The following CTNNA2 variants were observed in gnomAD, a reference collection of about 807,000 sequenced individuals.
CTNNA2 encodes catenin alpha-2.
CTNNA2 carries 42 observed loss-of-function variants against 101.0 expected under a neutral mutation model. The observed-to-expected ratio is 0.42, with a 90% CI of 0.32 to 0.54. The LOEUF (loss-of-function observed/expected upper bound fraction) is 0.54, where lower values mean the gene tolerates loss of function less well. Among genes scored for constraint, CTNNA2 ranks in the 20% least tolerant of loss-of-function variants. The pLI, the probability that CTNNA2 is intolerant of heterozygous loss-of-function variation, is 0.14. For missense variants in CTNNA2, 871 were observed against 1,223.1 expected (o/e 0.71, Z 4.29); for synonymous variants, 450 against 456.4 (o/e 0.99, Z 0.18).
intron 4 of CTNNA2, among the ~76,000 whole-genome samples, chr2:79,378,301 G>T (rs762395476): frequency 3.3e-5 from 5 of 152,138 alleles, no homozygotes; most frequent in Non-Finnish European, 7.3e-5. Flanking sequence ...TCAAATGTAG[G>T]TATTATTCTC....
chr2:79,892,435 A>G (rs1232421089), intron 6 of CTNNA2, among the ~76,000 whole-genome samples: 1 of 152,198 alleles, frequency 6.6e-6, no homozygotes, highest in African/African-American at 2.4e-5. Flanking sequence ...ACCCCACAAA[A>G]TAGAGTAAAA....
intron 1 of CTNNA2, among the ~76,000 whole-genome samples, chr2:79,639,387 T>C (rs553371063): frequency 7.2e-5 from 11 of 152,282 alleles, no homozygotes; most frequent in African/African-American, 2.6e-4. Flanking sequence ...GACAGAAAAC[T>C]TTTATTTAAC....
At chr2:80,127,509 G>A (rs1702202782) in intron 7 of CTNNA2, among the ~76,000 whole-genome samples, 1 of 152,122 alleles carries the variant, frequency 6.6e-6, no homozygotes, top group Admixed American at 6.5e-5. Context: ...GGCCAGGTGT[G>A]CATGTAAAAG....
intron 1 of CTNNA2, among the ~76,000 whole-genome samples, chr2:79,639,393 T>C (rs1031547905): frequency 1.3e-5 from 2 of 152,186 alleles, no homozygotes; most frequent in Non-Finnish European, 2.9e-5. Flanking sequence ...AAACTTTTAT[T>C]TAACAATGCA....
intron 7 of CTNNA2, among the ~76,000 whole-genome samples, chr2:80,096,943 G>T (rs939201296): frequency 3.9e-5 from 6 of 152,116 alleles, no homozygotes; most frequent in Non-Finnish European, 8.8e-5. Flanking sequence ...ACACTGATGG[G>T]TCTTGACTCC....
chr2:79,474,375 C>T (rs1256702402), intron 4 of CTNNA2, among the ~76,000 whole-genome samples: 1 of 152,066 alleles, frequency 6.6e-6, no homozygotes, highest in Non-Finnish European at 1.5e-5. Flanking sequence ...AAATACAACA[C>T]ATTAAGTGAC....
rs74712309 is a variant in CTNNA2, at chr2:79,327,255, A to T, written c.-318+14459A>T. The stretch of plus-strand genomic sequence containing the variant: ...AACGCTGGTGCCAGTATTTTATATT[A>T]TTGGTGTCTCTTAGATGGAGAAGAG... On this transcript the variant is annotated intron_variant, in intron 3 of 21. Transcript: ENST00000466387. Among the ~76,000 whole-genome samples the T allele has an allele frequency of 2.6e-3, 394 of 152,270 alleles. 9 individuals are homozygous for T. The East Asian group carries it at 0.063, about 24-fold the overall frequency.
intron 7 of CTNNA2, among the ~76,000 whole-genome samples, chr2:80,058,281 T>C (rs1027368142): frequency 6.6e-6 from 1 of 152,336 alleles, no homozygotes; most frequent in Admixed American, 6.5e-5. Flanking sequence ...ATATAGCTTT[T>C]TATTTTTAGT....
At chr2:79,418,107 A>G (rs951633049) in intron 4 of CTNNA2, among the ~76,000 whole-genome samples, 14 of 152,064 alleles carry the variant, frequency 9.2e-5, no homozygotes, top group African/African-American at 3.4e-4. Flanking sequence ...CACTGAGTCA[A>G]TCCTGCATGG....
rs561700531 is a variant in CTNNA2 at position 79,980,497 on chromosome 2, A to T, written c.1056+70700A>T. Among the ~76,000 whole-genome samples, 3 of 152,270 alleles carry T rather than the reference A, an allele frequency of 2.0e-5. No homozygotes were observed. The East Asian group carries it at 5.8e-4, about 29-fold the overall frequency. On this transcript the variant is annotated intron_variant, in intron 7 of 18. Coordinates refer to ENST00000402739, the MANE Select transcript of CTNNA2 (RefSeq NM_001282597.3). The stretch of plus-strand genomic sequence containing the variant: ...TTAGTGATGCATTTCCTCTGAAATT[A>T]TAGCAGTTATTACTGAAATTTCTAA...
intron 7 of CTNNA2, among the ~76,000 whole-genome samples, chr2:80,212,951 T>TG (rs1707999726): frequency 1.3e-5 from 2 of 152,170 alleles, no homozygotes; most frequent in Admixed American, 1.3e-4. Context: ...GGAGGGTGTA[T>TG]GTGTCGAGGA....
intron 3 of CTNNA2, among the ~76,000 whole-genome samples, chr2:79,753,617 A>G (rs186875396): frequency 1.6e-4 from 25 of 152,270 alleles, no homozygotes; most frequent in African/African-American, 5.8e-4. Flanking sequence ...CATGCCACCA[A>G]GGTGTATTTG....
intron 7 of CTNNA2, among the ~76,000 whole-genome samples, chr2:79,985,898 A>G (rs992020693): frequency 6.6e-6 from 1 of 152,152 alleles, no homozygotes; most frequent in Non-Finnish European, 1.5e-5. Flanking sequence ...TCTCCATCAT[A>G]AAGCAAATAT....
intron 7 of CTNNA2, among the ~76,000 whole-genome samples, chr2:80,060,627 C>T (rs7599606): frequency 1 from 152,019 of 152,292 alleles, 75,873 homozygotes; most frequent in East Asian, 1. Flanking sequence ...CTCTCTTTTT[C>T]TCTTTTTATG....
intron 4 of CTNNA2, among the ~76,000 whole-genome samples, chr2:79,463,355 C>T (rs976439730): frequency 3.4e-5 from 5 of 147,258 alleles, no homozygotes; most frequent in Non-Finnish European, 7.4e-5. Flanking sequence ...CTGCAGTGAG[C>T]CAAGATCACA....
chr2:80,090,920 T>C (rs1227962781), intron 7 of CTNNA2, among the ~76,000 whole-genome samples: 1 of 152,094 alleles, frequency 6.6e-6, no homozygotes, highest in Admixed American at 6.6e-5. Context: ...ATGAAGAGAA[T>C]GTCAGTAATG....
chr2:79,318,506 T>C (rs1290307528), intron 3 of CTNNA2, among the ~76,000 whole-genome samples: 2 of 152,240 alleles, frequency 1.3e-5, no homozygotes, highest in Non-Finnish European at 2.9e-5. Flanking sequence ...TTCCAAGCAC[T>C]GGCTCCACTC....
At chr2:80,437,109 A>G (rs537224361) in intron 9 of CTNNA2, among the ~76,000 whole-genome samples, 1 of 152,274 alleles carries the variant, frequency 6.6e-6, no homozygotes, top group African/African-American at 2.4e-5. Context: ...TCTATGAGGA[A>G]AAGGCCCTCA....
chr2:80,433,304 G>T (rs1017076694), intron 9 of CTNNA2, among the ~76,000 whole-genome samples: 8 of 152,094 alleles, frequency 5.3e-5, no homozygotes, highest in African/African-American at 1.9e-4. Flanking sequence ...ATCCCCGTCT[G>T]GGGAAGGGGC....
Sources: gnomAD v4.1 joint callset for allele counts (sites outside exome capture counted in the v4.1 genomes callset) on GRCh38, gnomAD v4.1.1 for gene constraint, MANE v1.5 for transcripts, NCBI Gene and HGNC (gene_info 2026-07-23, HGNC 2026-07-21) for gene names.